UGT1A7: variants seen among roughly 807,000 people sequenced by gnomAD.
UGT1A7 encodes the protein UDP-glucuronosyltransferase 1A7.
UGT1A7 carries 33 observed loss-of-function variants against 45.6 expected under a neutral mutation model. The ratio of observed to expected loss-of-function variants is 0.72; its 90% CI spans 0.55 to 0.97. UGT1A7 has a LOEUF of 0.97. Among genes scored for constraint, UGT1A7 ranks in the 50% least tolerant of loss-of-function variants. The pLI is 0.00. For missense variants in UGT1A7, 684 were observed against 666.2 expected (o/e 1.03, Z -0.29); for synonymous variants, 274 against 250.6 (o/e 1.09, Z -0.88).
chr2:233,683,087 T>A (rs2074615252), intron 1 of UGT1A7, among the ~76,000 whole-genome samples: 1 of 152,206 alleles, frequency 6.6e-6, no homozygotes, highest in South Asian at 2.1e-4. Context: ...ACTTCCCTTT[T>A]TTTGCTAATT....
At chr2:233,760,286 C>T in intron 1 of UGT1A7, 1 of 1,613,058 alleles carries the variant, frequency 6.2e-7, no homozygotes, top group Non-Finnish European at 8.5e-7. Flanking sequence ...AGCAAAGGCG[C>T]CATGGCTGTG....
At chr2:233,756,070 G>A (rs1207859334) in intron 1 of UGT1A7, 1 of 152,196 alleles carries the variant, frequency 6.6e-6, no homozygotes, top group African/African-American at 2.4e-5. Flanking sequence ...GTGGGAGAAT[G>A]ACAATGAGAA....
chr2:233,725,035 A>C lies in UGT1A7; in HGVS notation c.856-41999A>C, dbSNP rs1161342472. 1.1e-4 allele frequency among the ~76,000 whole-genome samples: 17 copies of C among 148,286 alleles called. 1 individual carries two copies. The highest frequency in any genetic ancestry group is 4.0e-4 in the African/African-American group (16 of 39,830). On this transcript the variant is annotated intron_variant, in intron 1 of 4. Transcript: ENST00000373426. ...AAACAGCAAAACCCGGTCTCCACCA[A>C]AACCAGTCAGGCGTGGCGGCGCGCG... is the stretch of plus-strand genomic sequence containing the variant.
intron 1 of UGT1A7, among the ~76,000 whole-genome samples, chr2:233,740,328 TGAGA>T (rs1691367095): frequency 6.6e-6 from 1 of 151,900 alleles, no homozygotes; most frequent in Non-Finnish European, 1.5e-5. Flanking sequence ...CTGCATTTAT[TGAGA>T]AAGTTGATGA....
chr2:233,693,817 G>C (rs1367141196), intron 1 of UGT1A7: 1 of 1,614,142 alleles, frequency 6.2e-7, no homozygotes, highest in Admixed American at 1.7e-5. Flanking sequence ...TGCCCAACAT[G>C]GTCTTCATTG....
At chr2:233,756,909 C>T (rs1190068817) in intron 1 of UGT1A7, among the ~76,000 whole-genome samples, 1 of 152,062 alleles carries the variant, frequency 6.6e-6, no homozygotes, top group East Asian at 1.9e-4. Context: ...GAACAAACTT[C>T]TGAGTTTATA....
intron 1 of UGT1A7, among the ~76,000 whole-genome samples, chr2:233,725,279 GGCAGAGGCAGAGGCA>G (rs1325326342): frequency 1.4e-4 from 6 of 44,284 alleles, no homozygotes; most frequent in East Asian, 3.0e-3. Context: ...CAGAGGCAGA[GGCAGAGGCAGAGGCA>G]GAGGCAGAGG....
At chr2:233,706,530 A>G (rs921151906) in intron 1 of UGT1A7, among the ~76,000 whole-genome samples, 13 of 152,210 alleles carry the variant, frequency 8.5e-5, no homozygotes, top group African/African-American at 2.9e-4. Context: ...GCGGCTTAGA[A>G]ACACAGCTTT....
At chr2:233,684,672 TATG>T (rs1474051329) in intron 1 of UGT1A7, among the ~76,000 whole-genome samples, 2 of 152,140 alleles carry the variant, frequency 1.3e-5, no homozygotes, top group African/African-American at 4.8e-5. Flanking sequence ...GGAATATACA[TATG>T]ATAGGATTTA....
At chr2:233,715,665 G>A (rs1198946801) in intron 1 of UGT1A7, among the ~76,000 whole-genome samples, 6 of 152,076 alleles carry the variant, frequency 3.9e-5, no homozygotes, top group Non-Finnish European at 7.4e-5. Context: ...CCAGCTACTC[G>A]GGAGGCTGAG....
At chr2:233,730,481 T>A (rs1335220137) in intron 1 of UGT1A7, among the ~76,000 whole-genome samples, 1 of 152,146 alleles carries the variant, frequency 6.6e-6, no homozygotes, top group Non-Finnish European at 1.5e-5. Context: ...GGCACTCACA[T>A]GAAATAGAAG....
At chr2:233,693,985 A>C (rs1444148236) in intron 1 of UGT1A7, 2 of 1,547,132 alleles carry the variant, frequency 1.3e-6, no homozygotes, top group Admixed American at 3.8e-5. Flanking sequence ...GGTGGGGGGA[A>C]GTGATACCCG....
chr2:233,761,272 T>C (rs1697733623), intron 1 of UGT1A7: 1 of 1,579,126 alleles, frequency 6.3e-7, no homozygotes, highest in African/African-American at 1.3e-5. Flanking sequence ...AATGCCCTCT[T>C]TTGTTAATTT....
intron 1 of UGT1A7, among the ~76,000 whole-genome samples, chr2:233,698,540 G>A (rs2075446584): frequency 1.3e-5 from 2 of 152,274 alleles, no homozygotes; most frequent in African/African-American, 4.8e-5. Flanking sequence ...AACAGAACAC[G>A]AGTGGCCAAC....
chr2:233,768,439 G>C lies in UGT1A7; in HGVS notation c.1295G>C (p.Ser432Thr), dbSNP rs1306719122. 1 of 1,613,244 alleles carries C rather than the reference G, an allele frequency of 6.2e-7. No homozygotes were observed. The highest frequency in any genetic ancestry group is 1.1e-5 in the South Asian group (1 of 90,868). ...NALKAVINDK[S>T]YKENIMRLSS... ...CTAAAAGCAGTCATCAATGACAAAA[G>C]GTAAGAAAGAAGATACAGAAGAATA... The change falls in exon 4 of 5, where the codon AGT becomes ACT. Residue 432 changes from serine (S) to threonine (T), a missense_variant and splice_region_variant. By Grantham distance (58) the Ser-to-Thr change is moderately conservative. Transcript: ENST00000373426.
intron 1 of UGT1A7, chr2:233,713,113 G>A: frequency 6.2e-7 from 1 of 1,614,226 alleles, no homozygotes; most frequent in Non-Finnish European, 8.5e-7. Flanking sequence ...GGCAGCCACT[G>A]GCTCAGCATG....
At chr2:233,729,480 C>G in intron 1 of UGT1A7, 1 of 1,614,164 alleles carries the variant, frequency 6.2e-7, no homozygotes, top group South Asian at 1.1e-5. Context: ...CAATGTTGAA[C>G]AATATGTCTT....
At chr2:233,704,861 C>T (rs1011021792) in intron 1 of UGT1A7, among the ~76,000 whole-genome samples, 8 of 152,100 alleles carry the variant, frequency 5.3e-5, no homozygotes, top group East Asian at 1.9e-4. Flanking sequence ...GGGCCGGGCA[C>T]GGTGGCTCAC....
chr2:233,712,843 G>A (rs556220136), intron 1 of UGT1A7: 13 of 1,515,268 alleles, frequency 8.6e-6, no homozygotes, highest in African/African-American at 1.4e-5. Flanking sequence ...ATAGATTAAC[G>A]GGTAATAAGT....
Sources: allele counts gnomAD v4.1 joint callset (sites outside exome capture counted in the v4.1 genomes callset), GRCh38; gene constraint gnomAD v4.1.1; transcripts MANE v1.5; gene names NCBI Gene and HGNC (gene_info 2026-07-23, HGNC 2026-07-21).